RHOB: variants seen among roughly 807,000 people sequenced by gnomAD.
The protein encoded by RHOB is rho-related GTP-binding protein RhoB.
In RHOB, 6 loss-of-function variants were observed where a neutral mutation model predicts 12.9. The ratio of observed to expected loss-of-function variants is 0.47; its 90% CI spans 0.25 to 0.92. The LOEUF is 0.92. RHOB is among the 40% of genes least tolerant of loss of function. The pLI is 0.16. For synonymous variants in RHOB, 168 were observed against 122.1 expected (o/e 1.38, Z -2.48); for missense variants, 142 against 277.9 (o/e 0.51, Z 3.48).
rs137856773 is a variant in RHOB at position 20,447,843 on chromosome 2, T to G, written c.378T>G (p.His126Gln). ...AAAAAGACCTGCGCAGCGACGAGCA[T>G]GTCCGCACAGAGCTGGCCCGCATGA... ...ANKKDLRSDE[H>Q]VRTELARMKQ... The change falls in exon 1 of 1, where the codon CAT (histidine) becomes CAG (glutamine). Residue 126 changes from histidine to glutamine, a missense_variant. His to Gln is a conservative substitution (Grantham distance 24). Around this residue, in one of 2 missense-constraint regions of RHOB, gnomAD observed 113 missense variants for 166.3 expected, o/e 0.68. Transcript: ENST00000272233. The G allele has an allele frequency of 7.4e-4, 1,192 of 1,613,660 alleles. No homozygotes were observed. Among genetic ancestry groups the G allele is most frequent in the Non-Finnish European group, 9.4e-4 (1,114 of 1,180,014 alleles).
chr2:20,449,386 G>C lies in RHOB; in HGVS notation c.*1330G>C, dbSNP rs1320824380. 6.0e-6 allele frequency: 1 copy of C among 166,922 alleles called. No homozygotes were observed. Among genetic ancestry groups the C allele is most frequent in the Non-Finnish European group, 1.5e-5 (1 of 68,116 alleles). 10.3% of individuals were successfully genotyped at this position (166,922 alleles called of 1,614,324 possible). A position where few individuals can be genotyped will look rare whatever the true frequency, so the allele number is the denominator to read the frequency against. ...TGATGTTTACATAAAAGTTCTATAA[G>C]CTGTGTATACAGTTTTTTATGTAAA... On this transcript the variant is annotated 3_prime_UTR_variant, in exon 1 of 1. Transcript: ENST00000272233.
In RHOB at chr2:20,447,908, C is replaced by T. The variant is rs1291661597; in HGVS notation, c.443C>T (p.Ala148Val). 1 of 1,613,222 alleles carries T rather than the reference C, an allele frequency of 6.2e-7. No homozygotes were observed. The highest frequency in any genetic ancestry group is 2.2e-5 in the East Asian group (1 of 44,872). The change falls in exon 1 of 1, where the codon GCC (alanine) becomes GTC (valine). Residue 148 changes from alanine to valine, a missense_variant. Coordinates refer to ENST00000272233, the MANE Select transcript of RHOB (RefSeq NM_004040.4). ...PVRTDDGRAM[A>V]VRIQAYDYLE... The stretch of plus-strand genomic sequence containing the variant: ...CGCACGGATGACGGCCGCGCCATGG[C>T]CGTGCGCATCCAAGCCTACGACTAC...
At position 20,447,651 on chromosome 2, in the gene RHOB, C is replaced by G. The variant is rs201522561; in HGVS notation, c.186C>G (p.Gly62=). The part of the protein sequence containing the change: ...QVELALWDTA[G]QEDYDRLRPL... The stretch of plus-strand genomic sequence containing the variant: ...AGCTGGCGCTGTGGGACACGGCGGG[C>G]CAGGAGGACTACGACCGCCTGCGGC... Residue 62 remains glycine, a synonymous_variant, in exon 1 of 1, where the codon GGC becomes GGG. Coordinates refer to ENST00000272233, the MANE Select transcript of RHOB (RefSeq NM_004040.4). 28 of 1,613,734 alleles carry G rather than the reference C, an allele frequency of 1.7e-5. No homozygotes were observed. The highest frequency in any genetic ancestry group is 2.3e-5 in the Non-Finnish European group (27 of 1,179,938).
At position 20,448,297 on chromosome 2, in the gene RHOB, GTC is replaced by G; in HGVS notation, c.*242_*243del. The G allele has an allele frequency of 1.8e-6, 1 of 559,878 alleles. No individual in the cohort carries two copies. The highest frequency in any genetic ancestry group is 3.3e-6 in the Non-Finnish European group (1 of 307,658). The allele number at this position is 559,878 out of a possible 1,614,324, so 34.7% of individuals were successfully genotyped here. Reference sequence around the variant, plus strand: ...CTGGGCTCCCCACTGAGTGCCAAGGGTCCCCTGAGCATGCTTTTCTGAAGAGC... The same window carrying G: ...CTGGGCTCCCCACTGAGTGCCAAGGGCCCTGAGCATGCTTTTCTGAAGAGC... On this transcript the variant is annotated 3_prime_UTR_variant, in exon 1 of 1. Transcript: ENST00000272233.
Position 20,448,174 on chromosome 2 carries a change from A to G in RHOB, c.*118A>G, listed in dbSNP as rs1573124664. On this transcript the variant is annotated 3_prime_UTR_variant, in exon 1 of 1. Transcript: ENST00000272233. ...CAAGGACCCCACCGGCCTGCCTGGC[A>G]TCTGTCTGCTGACGCCTCTGGCTTG... is the stretch of plus-strand genomic sequence containing the variant. 2.6e-5 allele frequency: 24 copies of G among 923,786 alleles called. No individual in the cohort carries two copies. In the East Asian group the frequency reaches 6.1e-4, roughly 23 times the overall value. 57.2% of individuals were successfully genotyped at this position (923,786 alleles called of 1,614,324 possible). A position where few individuals can be genotyped will look rare whatever the true frequency, so the allele number is the denominator to read the frequency against.
In RHOB at chr2:20,447,386, C is replaced by G. The variant is rs1334671751; in HGVS notation, c.-80C>G. 4.3e-6 allele frequency: 5 copies of G among 1,149,438 alleles called. No homozygotes were observed. The highest frequency in any genetic ancestry group is 1.6e-5 in the African/African-American group (1 of 62,484). The allele number at this position is 1,149,438 out of a possible 1,614,324, so 71.2% of individuals were successfully genotyped here. Reference sequence around the variant, plus strand: ...ACCCTCTCGCCACCTGCGCGCAGCCCGAGGTGAGCAGTGAGCGGCGAGCGG... The same window carrying G: ...ACCCTCTCGCCACCTGCGCGCAGCCGGAGGTGAGCAGTGAGCGGCGAGCGG... On this transcript the variant is annotated 5_prime_UTR_variant, in exon 1 of 1. Coordinates refer to ENST00000272233, the MANE Select transcript of RHOB (RefSeq NM_004040.4).
Position 20,447,465 on chromosome 2 carries a change from C to T in RHOB, c.-1C>T, listed in dbSNP as rs749021455. 1 of 1,604,078 alleles carries T rather than the reference C, an allele frequency of 6.2e-7. No individual in the cohort carries two copies. The highest frequency in any genetic ancestry group is 1.1e-5 in the South Asian group (1 of 90,084). ...TCCTGCTGCCCGGGCCCGGCCCGCTCATGGCGGCCATCCGCAAGAAGCTGG... is the reference window on the plus strand; with the variant it reads ...TCCTGCTGCCCGGGCCCGGCCCGCTTATGGCGGCCATCCGCAAGAAGCTGG... On this transcript the variant is annotated 5_prime_UTR_variant, in exon 1 of 1. Transcript: ENST00000272233.
Position 20,448,392 on chromosome 2 carries a change from C to T in RHOB, c.*336C>T. 1 of 310,998 alleles carries T rather than the reference C, an allele frequency of 3.2e-6. No individual in the cohort carries two copies. The highest frequency in any genetic ancestry group is 6.3e-6 in the Non-Finnish European group (1 of 157,520). 19.3% of individuals were successfully genotyped at this position (310,998 alleles called of 1,614,324 possible). A position where few individuals can be genotyped will look rare whatever the true frequency, so the allele number is the denominator to read the frequency against. On this transcript the variant is annotated 3_prime_UTR_variant, in exon 1 of 1. Coordinates refer to ENST00000272233, the MANE Select transcript of RHOB (RefSeq NM_004040.4). ...CGCCCCATTTTCACCCCACCCCCGC[C>T]TCTGATCCCCGGGGGCGAGATTGGC...
At position 20,448,152 on chromosome 2, in the gene RHOB, G is replaced by A. The variant is rs989490046; in HGVS notation, c.*96G>A. The A allele has an allele frequency of 1.8e-5, 20 of 1,089,166 alleles. No homozygotes were observed. The highest frequency in any genetic ancestry group is 2.5e-4 in the Middle Eastern group (1 of 3,930). 67.5% of individuals were successfully genotyped at this position (1,089,166 alleles called of 1,614,324 possible). ...AGAAGGGGAGACCCGTGTCCCACAA[G>A]GACCCCACCGGCCTGCCTGGCATCT... On this transcript the variant is annotated 3_prime_UTR_variant, in exon 1 of 1. Coordinates refer to ENST00000272233, the MANE Select transcript of RHOB (RefSeq NM_004040.4).
Position 20,447,864 on chromosome 2 carries a change from C to A in RHOB, c.399C>A (p.Arg133=). The A allele has an allele frequency of 6.2e-7, 1 of 1,613,574 alleles. No homozygotes were observed. Residue 133 remains arginine (R), a synonymous_variant, in exon 1 of 1, where the codon CGC becomes CGA. Transcript: ENST00000272233. The part of the protein sequence containing the change: ...SDEHVRTELA[R]MKQEPVRTDD... ...AGCATGTCCGCACAGAGCTGGCCCG[C>A]ATGAAGCAGGAACCCGTGCGCACGG...
Position 20,447,594 on chromosome 2 carries a change from G to A in RHOB, c.129G>A (p.Val43=). 1 of 1,614,102 alleles carries A rather than the reference G, an allele frequency of 6.2e-7. No individual in the cohort carries two copies. Residue 43 remains valine (V), a synonymous_variant, in exon 1 of 1, where the codon GTG becomes GTA. Transcript: ENST00000272233. ...TGCCCACCGTCTTCGAGAACTATGT[G>A]GCCGACATTGAGGTGGACGGCAAGC... ...VYVPTVFENY[V]ADIEVDGKQV...
In RHOB at chr2:20,447,509, CGT is replaced by C; in HGVS notation, c.48_49del (p.Cys16TrpfsTer11). 1 of 1,613,610 alleles carries C rather than the reference CGT, an allele frequency of 6.2e-7. No individual in the cohort carries two copies. Among genetic ancestry groups the C allele is most frequent in the Non-Finnish European group, 8.5e-7 (1 of 1,179,698 alleles). On this transcript the variant is annotated frameshift_variant, in exon 1 of 1. Transcript: ENST00000272233. LOFTEE classifies it high-confidence loss of function. The stretch of plus-strand genomic sequence containing the variant: ...AAGCTGGTGGTGGTGGGCGACGGCG[CGT>C]GTGGCAAGACGTGCCTGCTGATCGT...
In RHOB at chr2:20,447,919, C is replaced by G. The variant is rs1236966550; in HGVS notation, c.454C>G (p.Gln152Glu). Residue 152 changes from glutamine to glutamate, a missense_variant, in exon 1 of 1, where the codon CAA (glutamine) becomes GAA (glutamate). Around this residue, in one of 2 missense-constraint regions of RHOB, gnomAD observed 113 missense variants for 166.3 expected, o/e 0.68. Transcript: ENST00000272233. ...DDGRAMAVRI[Q>E]AYDYLECSAK... ...CGGCCGCGCCATGGCCGTGCGCATC[C>G]AAGCCTACGACTACCTCGAGTGCTC... The G allele has an allele frequency of 6.2e-7, 1 of 1,613,238 alleles. No homozygotes were observed. Among genetic ancestry groups the G allele is most frequent in the Non-Finnish European group, 8.5e-7 (1 of 1,180,032 alleles).
Position 20,447,198 on chromosome 2 carries a change from A to C in RHOB, c.-268A>C, listed in dbSNP as rs1324029883. 1 of 333,024 alleles carries C rather than the reference A, an allele frequency of 3.0e-6. No individual in the cohort carries two copies. Among genetic ancestry groups the C allele is most frequent in the South Asian group, 1.3e-4 (1 of 7,578 alleles). 20.6% of individuals were successfully genotyped at this position (333,024 alleles called of 1,614,324 possible). On this transcript the variant is annotated 5_prime_UTR_variant, in exon 1 of 1. Transcript: ENST00000272233. ...CTGCCCGAGCCCGCGTTACGCACAAAGCCGCCGATCCCCGGCCTGGGGTGA... is the reference window on the plus strand; with the variant it reads ...CTGCCCGAGCCCGCGTTACGCACAACGCCGCCGATCCCCGGCCTGGGGTGA...
At position 20,447,962 on chromosome 2, in the gene RHOB, G is replaced by A. The variant is rs1295061094; in HGVS notation, c.497G>A (p.Gly166Asp). 1.1e-5 allele frequency: 17 copies of A among 1,612,902 alleles called. No homozygotes were observed. Among genetic ancestry groups the A allele is most frequent in the Non-Finnish European group, 1.4e-5 (17 of 1,179,986 alleles). Reference sequence around the variant, plus strand: ...GAGTGCTCTGCCAAGACCAAGGAAGGCGTGCGCGAGGTCTTCGAGACGGCC... The same window carrying A: ...GAGTGCTCTGCCAAGACCAAGGAAGACGTGCGCGAGGTCTTCGAGACGGCC... The part of the protein sequence containing the change: ...YLECSAKTKE[G>D]VREVFETATR... The change falls in exon 1 of 1, where the codon GGC (glycine) becomes GAC (aspartate). Residue 166 changes from glycine to aspartate, a missense_variant. Gly to Asp is a moderately conservative substitution (Grantham distance 94). Transcript: ENST00000272233.
At position 20,448,944 on chromosome 2, in the gene RHOB, A is replaced by G. The variant is rs550651135; in HGVS notation, c.*888A>G. ...CAATTGTTTCATTGTTTGACACTTAATGCACTCGTCATTTGCATACGACAG... is the reference window on the plus strand; with the variant it reads ...CAATTGTTTCATTGTTTGACACTTAGTGCACTCGTCATTTGCATACGACAG... On this transcript the variant is annotated 3_prime_UTR_variant, in exon 1 of 1. Transcript: ENST00000272233. 3.6e-5 allele frequency: 6 copies of G among 167,252 alleles called. No homozygotes were observed. The South Asian group carries it at 1.2e-3, about 35-fold the overall frequency. 10.4% of individuals were successfully genotyped at this position (167,252 alleles called of 1,614,324 possible).
At position 20,447,982 on chromosome 2, in the gene RHOB, A is replaced by G. The variant is rs1238150863; in HGVS notation, c.517A>G (p.Thr173Ala). The change falls in exon 1 of 1, where the codon ACG becomes GCG. Residue 173 changes from threonine to alanine, a missense_variant. Physicochemically the swap from Thr to Ala is moderately conservative, Grantham distance 58. Around this residue, in one of 2 missense-constraint regions of RHOB, gnomAD observed 113 missense variants for 166.3 expected, o/e 0.68. Transcript: ENST00000272233. ...TKEGVREVFE[T>A]ATRAALQKRY... ...GGAAGGCGTGCGCGAGGTCTTCGAGACGGCCACGCGCGCCGCGCTGCAGAA... is the reference window on the plus strand; with the variant it reads ...GGAAGGCGTGCGCGAGGTCTTCGAGGCGGCCACGCGCGCCGCGCTGCAGAA... 1.9e-6 allele frequency: 3 copies of G among 1,612,774 alleles called. No homozygotes were observed. Among genetic ancestry groups the G allele is most frequent in the Non-Finnish European group, 2.5e-6 (3 of 1,179,892 alleles).
chr2:20,448,332 CAG>C lies in RHOB; in HGVS notation c.*279_*280del. The stretch of plus-strand genomic sequence containing the variant: ...CATGCTTTTCTGAAGAGCCGGGCCT[CAG>C]AGTGTGTGGCTGTGTGTCTGTTCGA... On this transcript the variant is annotated 3_prime_UTR_variant, in exon 1 of 1. Coordinates refer to ENST00000272233, the MANE Select transcript of RHOB (RefSeq NM_004040.4). 2 of 503,194 alleles carry C rather than the reference CAG, an allele frequency of 4.0e-6. No homozygotes were observed. Among genetic ancestry groups the C allele is most frequent in the Non-Finnish European group, 7.3e-6 (2 of 273,534 alleles). 31.2% of individuals were successfully genotyped at this position (503,194 alleles called of 1,614,324 possible).
rs1016446156 is a variant in RHOB at position 20,448,089 on chromosome 2, A to C, written c.*33A>C. 6.4e-7 allele frequency: 1 copy of C among 1,552,352 alleles called. No individual in the cohort carries two copies. Among genetic ancestry groups the C allele is most frequent in the Non-Finnish European group, 8.8e-7 (1 of 1,136,742 alleles). Reference sequence around the variant, plus strand: ...GCCCGTCGCGCCTGCCCCTGCCGGCACGGCTCCCCCTCCTGGACCAGTCCC... The same window carrying C: ...GCCCGTCGCGCCTGCCCCTGCCGGCCCGGCTCCCCCTCCTGGACCAGTCCC... On this transcript the variant is annotated 3_prime_UTR_variant, in exon 1 of 1. Coordinates refer to ENST00000272233, the MANE Select transcript of RHOB (RefSeq NM_004040.4).
Sources: allele counts gnomAD v4.1 joint callset, GRCh38; gene constraint gnomAD v4.1.1; regional missense constraint gnomAD v4.1.1; transcripts MANE v1.5; gene names NCBI Gene and HGNC (gene_info 2026-07-23, HGNC 2026-07-21).